GMPS: variants seen among roughly 807,000 people sequenced by gnomAD.
The protein encoded by GMPS is guanosine monophosphate synthase.
GMPS carries 15 observed loss-of-function variants against 77.9 expected under a neutral mutation model. That is an observed-to-expected ratio of 0.19 (90% CI 0.13 to 0.30). GMPS has a LOEUF of 0.30. GMPS is among the 10% of genes least tolerant of loss of function. The pLI, the probability that GMPS is intolerant of heterozygous loss-of-function variation, is 1.00. For missense variants in GMPS, 590 were observed against 838.8 expected (o/e 0.70, Z 3.66); for synonymous variants, 224 against 275.9 (o/e 0.81, Z 1.86).
chr3:155,886,549 A>G (rs1164070765), intron 1 of GMPS, among the ~76,000 whole-genome samples: 2 of 145,606 alleles, frequency 1.4e-5, no homozygotes, highest in Non-Finnish European at 3.0e-5. Flanking sequence ...AGCCCGGGCT[A>G]CAGTACAAGA....
Position 155,910,902 on chromosome 3 carries a change from C to T in GMPS, c.720+17C>T. 3 of 1,502,838 alleles carry T rather than the reference C, an allele frequency of 2.0e-6. No individual in the cohort carries two copies. The highest frequency in any genetic ancestry group is 2.7e-6 in the Non-Finnish European group (3 of 1,102,386). 93.1% of individuals were successfully genotyped at this position (1,502,838 alleles called of 1,614,324 possible). A position where few individuals can be genotyped will look rare whatever the true frequency, so the allele number is the denominator to read the frequency against. ...AAAGTTTTGGTAAGCAAATTATTAT[C>T]TGGAAGTCTACAAATTTATATCAAT... On this transcript the variant is annotated intron_variant, in intron 6 of 15. Coordinates refer to ENST00000496455, the MANE Select transcript of GMPS (RefSeq NM_003875.3).
rs559680200 is a variant in GMPS at position 155,908,947 on chromosome 3, A to AAGGGCTG, written c.527-1741_527-1735dup. Among the ~76,000 whole-genome samples the AAGGGCTG allele has an allele frequency of 4.5e-3, 679 of 152,304 alleles. 1 individual carries two copies. The highest frequency in any genetic ancestry group is 9.9e-3 in the South Asian group (48 of 4,830). On this transcript the variant is annotated intron_variant, in intron 5 of 15. Transcript: ENST00000496455. ...CTTAGAATATTTAGAAAAGAGATTT[A>AAGGGCTG]AGGGCTGAGGACTGAGTAACTTCCA...
chr3:155,908,206 A>T (rs1754943062), intron 5 of GMPS, among the ~76,000 whole-genome samples: 1 of 152,228 alleles, frequency 6.6e-6, no homozygotes, highest in South Asian at 2.1e-4. Context: ...CAGGAGGAAG[A>T]TAAAGGGGAG....
chr3:155,897,772 A>G (rs1004022182), intron 2 of GMPS, among the ~76,000 whole-genome samples, 155 bp from the exon 3 acceptor site: 9 of 152,240 alleles, frequency 5.9e-5, no homozygotes, highest in East Asian at 1.9e-4. Context: ...TAGGATGACA[A>G]TTCGCTGTGA....
At position 155,938,965 on chromosome 3, in the gene GMPS, G is replaced by A. The variant is rs1273535154; in HGVS notation, c.*1273G>A. On this transcript the variant is annotated 3_prime_UTR_variant, in exon 16 of 16. Transcript: ENST00000496455. ...ATTCCATCTCAGGTTGCTGCTGCTT[G>A]TCTAGTTTAAAAGGTCAGATCTATT... 1 of 218,516 alleles carries A rather than the reference G, an allele frequency of 4.6e-6. No homozygotes were observed. The highest frequency in any genetic ancestry group is 9.2e-6 in the Non-Finnish European group (1 of 109,054). 13.5% of individuals were successfully genotyped at this position (218,516 alleles called of 1,614,324 possible).
chr3:155,869,922 A>G (rs989048213), upstream of GMPS, among the ~76,000 whole-genome samples: 11 of 148,214 alleles, frequency 7.4e-5, no homozygotes, highest in Non-Finnish European at 1.5e-5. Flanking sequence ...CATCATCATG[A>G]TGGTTGCCAA....
At chr3:155,934,129 T>C (rs929449891) in intron 13 of GMPS, among the ~76,000 whole-genome samples, 2 of 152,230 alleles carry the variant, frequency 1.3e-5, no homozygotes, top group Non-Finnish European at 2.9e-5. Flanking sequence ...TTCACTGTAG[T>C]TTCCTCTTGG....
chr3:155,891,860 C>G (rs1754477037), intron 1 of GMPS, among the ~76,000 whole-genome samples: 1 of 152,098 alleles, frequency 6.6e-6, no homozygotes, highest in African/African-American at 2.4e-5. Context: ...CCTGCCTCGG[C>G]CTCCCAAAGT....
upstream of GMPS, among the ~76,000 whole-genome samples, chr3:155,869,790 G>A (rs1302321325): frequency 6.6e-6 from 1 of 152,050 alleles, no homozygotes; most frequent in Non-Finnish European, 1.5e-5. Flanking sequence ...GCAAAATGTT[G>A]GCTGTATTAT....
At chr3:155,934,333 TG>T (rs1755706608) in intron 13 of GMPS, among the ~76,000 whole-genome samples, 2 of 152,228 alleles carry the variant, frequency 1.3e-5, no homozygotes. Context: ...AATTCAGTGT[TG>T]GCAGGGTCAT....
Position 155,931,816 on chromosome 3 carries a change from C to G in GMPS, c.1612C>G (p.Pro538Ala). The change falls in exon 13 of 16, where the codon CCT becomes GCT. Residue 538 changes from proline to alanine, a missense_variant. Around this residue, in one of 6 missense-constraint regions of GMPS, gnomAD observed 89 missense variants for 95.9 expected, o/e 0.93. Transcript: ENST00000496455. ...GTGTGGAATCTCCAGTAAAGATGAA[C>G]CTGACTGGGAATCACTTATTTTTCT... is the stretch of plus-strand genomic sequence containing the variant. ...YVCGISSKDE[P>A]DWESLIFLAR... is the part of the protein sequence containing the mutation. The G allele has an allele frequency of 6.3e-7, 1 of 1,598,138 alleles. No homozygotes were observed. The highest frequency in any genetic ancestry group is 8.6e-7 in the Non-Finnish European group (1 of 1,165,988).
chr3:155,902,919 G>A (rs1754766035), intron 3 of GMPS, among the ~76,000 whole-genome samples: 1 of 152,174 alleles, frequency 6.6e-6, no homozygotes, highest in East Asian at 1.9e-4. Flanking sequence ...CTTTACTGCT[G>A]GAGTGAGTTC....
At chr3:155,928,157 G>C (rs1755504073) in intron 12 of GMPS, among the ~76,000 whole-genome samples, 1 of 149,944 alleles carries the variant, frequency 6.7e-6, no homozygotes, top group Non-Finnish European at 1.5e-5. Flanking sequence ...CTCCTGTGTA[G>C]CTGGGGTTAC....
At chr3:155,895,621 T>A (rs1215918360) in intron 2 of GMPS, 2 of 152,224 alleles carry the variant, frequency 1.3e-5, no homozygotes, top group East Asian at 3.9e-4. Flanking sequence ...CACCTATTTT[T>A]AGAAGCTTGA....
chr3:155,870,280 C>T (rs1366947050), upstream of GMPS, among the ~76,000 whole-genome samples: 1 of 152,250 alleles, frequency 6.6e-6, no homozygotes, highest in African/African-American at 2.4e-5. Flanking sequence ...TCGGTGCCGC[C>T]AGCCTCCCGA....
chr3:155,874,959 G>A (rs1577495517), intron 1 of GMPS, among the ~76,000 whole-genome samples: 3 of 141,658 alleles, frequency 2.1e-5, no homozygotes, highest in Admixed American at 1.5e-4. Context: ...CCAGGCTGGA[G>A]TACAGTGGCA....
At chr3:155,895,227 G>A (rs1210697783) in intron 2 of GMPS, among the ~76,000 whole-genome samples, 2 of 152,142 alleles carry the variant, frequency 1.3e-5, no homozygotes, top group African/African-American at 4.8e-5. Context: ...AATCCTTTCT[G>A]TAGAAATAAC....
chr3:155,886,646 A>C (rs1754346761), intron 1 of GMPS, among the ~76,000 whole-genome samples: 1 of 101,168 alleles, frequency 9.9e-6, no homozygotes, highest in Non-Finnish European at 1.8e-5. Context: ...TTTGACACAG[A>C]GTCTTGCTCT....
At chr3:155,920,166 A>AAACTTAGGGACAGCGACT (rs1328479702) in intron 10 of GMPS, among the ~76,000 whole-genome samples, 2 of 152,218 alleles carry the variant, frequency 1.3e-5, no homozygotes, top group Non-Finnish European at 1.5e-5. Flanking sequence ...TAATTTGCCA[A>AAACTTAGGGACAGCGACT]AAGTTATGCA....
Sources: gnomAD v4.1 joint callset for allele counts (sites outside exome capture counted in the v4.1 genomes callset) on GRCh38, gnomAD v4.1.1 for gene constraint, gnomAD v4.1.1 regional missense constraint, MANE v1.5 for transcripts, NCBI Gene and HGNC (gene_info 2026-07-23, HGNC 2026-07-21) for gene names.